Variants in BTNL3 observed in about 807,000 individuals in gnomAD.
The protein encoded by BTNL3 is butyrophilin-like protein 3.
In BTNL3, 20 loss-of-function variants were observed where a neutral mutation model predicts 40.1. The ratio of observed to expected loss-of-function variants is 0.50; its 90% CI spans 0.35 to 0.72. BTNL3 has a LOEUF of 0.72. BTNL3 is among the 30% of genes least tolerant of loss of function. BTNL3 has a pLI of 0.01. For missense variants in BTNL3, 449 were observed against 582.2 expected (o/e 0.77, Z 2.35); for synonymous variants, 179 against 222.1 (o/e 0.81, Z 1.73).
rs1410932167 is a variant in BTNL3 at position 181,002,607 on chromosome 5, T to C, written c.674-65T>C. On this transcript the variant is annotated intron_variant, in intron 3 of 7. Transcript: ENST00000342868. ...CATCTTGGGGTACTGGGGGATTCCT[T>C]AAATGGGCGTAAAATTGTCTTACCT... 8 of 1,381,384 alleles carry C rather than the reference T, an allele frequency of 5.8e-6. 2 individuals carry two copies. In the African/African-American group the frequency reaches 1.0e-4, roughly 18 times the overall value. 85.6% of individuals were successfully genotyped at this position (1,381,384 alleles called of 1,614,324 possible).
intron 2 of BTNL3, among the ~76,000 whole-genome samples, chr5:180,995,358 A>T (rs1204485955): frequency 7.3e-6 from 1 of 136,524 alleles, no homozygotes; most frequent in Non-Finnish European, 1.7e-5. Flanking sequence ...TTTAGTTGAA[A>T]TCTAAATGGT....
chr5:181,000,072 A>G lies in BTNL3; in HGVS notation c.673+2584A>G, dbSNP rs1760085559. Among the ~76,000 whole-genome samples, 2 of 136,498 alleles carry G rather than the reference A, an allele frequency of 1.5e-5. 1 individual carries two copies. Among genetic ancestry groups the G allele is most frequent in the South Asian group, 4.3e-4 (2 of 4,634 alleles). 89.5% of individuals were successfully genotyped at this position (136,498 alleles called of 152,430 possible). A position where few individuals can be genotyped will look rare whatever the true frequency, so the allele number is the denominator to read the frequency against. On this transcript the variant is annotated intron_variant, in intron 3 of 7. Coordinates refer to ENST00000342868, the MANE Select transcript of BTNL3 (RefSeq NM_197975.3). ...AACATAATTTTGGTATCATAAGAGA[A>G]ATGGGCAATTCAAAAAAGGAAAAAT...
chr5:181,005,747 C>G lies in BTNL3; in HGVS notation c.1276C>G (p.Gln426Glu), dbSNP rs59220426. The change falls in exon 8 of 8, where the codon CAG becomes GAG. Residue 426 changes from glutamine (Q) to glutamate (E), a missense_variant. Physicochemically the swap from Gln to Glu is conservative, Grantham distance 29. Coordinates refer to ENST00000342868, the MANE Select transcript of BTNL3 (RefSeq NM_197975.3). ...CATCTCCTTCTTCAATACAAATGAC[C>G]AGTCCCTTATTTATACCCTGCTGAC... is the stretch of plus-strand genomic sequence containing the variant. ...GTISFFNTND[Q>E]SLIYTLLTCQ... 0.062 allele frequency: 100,323 copies of G among 1,613,906 alleles called. 5,100 individuals are homozygous for G. Among genetic ancestry groups the G allele is most frequent in the African/African-American group, 0.26 (19,625 of 74,934 alleles).
In BTNL3 at chr5:181,000,249, T is replaced by C. The variant is rs1363922935; in HGVS notation, c.674-2423T>C. On this transcript the variant is annotated intron_variant, in intron 3 of 7. Coordinates refer to ENST00000342868, the MANE Select transcript of BTNL3 (RefSeq NM_197975.3). ...AACATATATTAATGTAATTATAACA[T>C]AATTCGTTAAAAGAGATAAACTATA... 1.5e-5 allele frequency among the ~76,000 whole-genome samples: 2 copies of C among 137,014 alleles called. 1 individual carries two copies. Among genetic ancestry groups the C allele is most frequent in the African/African-American group, 5.0e-5 (2 of 39,854 alleles). 89.9% of individuals were successfully genotyped at this position (137,014 alleles called of 152,430 possible). A position where few individuals can be genotyped will look rare whatever the true frequency, so the allele number is the denominator to read the frequency against.
intron 2 of BTNL3, among the ~76,000 whole-genome samples, chr5:180,996,738 G>C (rs924627650): frequency 7.3e-6 from 1 of 136,472 alleles, no homozygotes; most frequent in Non-Finnish European, 1.7e-5. Flanking sequence ...GACACAGAAG[G>C]GTGCAAATGT....
intron 2 of BTNL3, among the ~76,000 whole-genome samples, chr5:180,994,105 T>C (rs1182483549): frequency 7.3e-6 from 1 of 137,672 alleles, no homozygotes; most frequent in African/African-American, 2.5e-5. Context: ...ACCCAGCACA[T>C]ATGTGATTGT....
intron 5 of BTNL3, among the ~76,000 whole-genome samples, chr5:181,004,169 C>A (rs2276996): frequency 0.017 from 2,616 of 150,830 alleles, 37 homozygotes; most frequent in Middle Eastern, 0.048. Flanking sequence ...CTGAGGGTGT[C>A]TGGGCCACAG....
At position 181,005,880 on chromosome 5, in the gene BTNL3, A is replaced by G. The variant is rs1045049690; in HGVS notation, c.*8A>G. 1.3e-6 allele frequency: 2 copies of G among 1,582,292 alleles called. No individual in the cohort carries two copies. Among genetic ancestry groups the G allele is most frequent in the African/African-American group, 1.4e-5 (1 of 74,012 alleles). On this transcript the variant is annotated 3_prime_UTR_variant, in exon 8 of 8. Coordinates refer to ENST00000342868, the MANE Select transcript of BTNL3 (RefSeq NM_197975.3). ...CCAGTGTCCTGGGGATGAGACAGAG[A>G]AGACCCTGCTTAAAGGGCCCCACAC...
At position 181,006,180 on chromosome 5, in the gene BTNL3, T is replaced by G. The variant is rs1024824293; in HGVS notation, c.*308T>G. 2 of 430,518 alleles carry G rather than the reference T, an allele frequency of 4.6e-6. No individual in the cohort carries two copies. Among genetic ancestry groups the G allele is most frequent in the East Asian group, 6.7e-5 (2 of 29,952 alleles). 26.7% of individuals were successfully genotyped at this position (430,518 alleles called of 1,614,324 possible). A position where few individuals can be genotyped will look rare whatever the true frequency, so the allele number is the denominator to read the frequency against. ...AAAACTCCATCCAGCTAAGCGATCT[T>G]GAACAAGTCACAACCTCCCAGGCTC... On this transcript the variant is annotated 3_prime_UTR_variant, in exon 8 of 8. Coordinates refer to ENST00000342868, the MANE Select transcript of BTNL3 (RefSeq NM_197975.3).
chr5:181,005,134 G>T (rs563359994), intron 7 of BTNL3, among the ~76,000 whole-genome samples, 200 bp from the exon 8 acceptor site: 4 of 152,212 alleles, frequency 2.6e-5, no homozygotes, highest in Non-Finnish European at 4.4e-5. Flanking sequence ...GGTAGGGCTG[G>T]GTGAACATCT....
chr5:181,005,819 T>C lies in BTNL3; in HGVS notation c.1348T>C (p.Tyr450His), dbSNP rs773779220. ...LLRPYIQHAM[Y>H]DEEKGTPIFI... ...GAGACCCTATATCCAGCATGCGATG[T>C]ATGACGAGGAAAAGGGGACTCCCAT... is the stretch of plus-strand genomic sequence containing the variant. The change falls in exon 8 of 8, where the codon TAT (tyrosine) becomes CAT (histidine). Residue 450 changes from tyrosine to histidine, a missense_variant. Transcript: ENST00000342868. The C allele has an allele frequency of 5.6e-6, 9 of 1,613,894 alleles. No individual in the cohort carries two copies. Among genetic ancestry groups the C allele is most frequent in the South Asian group, 1.1e-5 (1 of 91,050 alleles).
chr5:181,004,870 A>C (rs1582091002), intron 7 of BTNL3, 108 bp downstream of exon 7: 15 of 1,598,822 alleles, frequency 9.4e-6, no homozygotes, highest in Non-Finnish European at 4.3e-6. Flanking sequence ...GCCCGAATCC[A>C]CCCCAGGGTG....
At position 181,006,451 on chromosome 5, in the gene BTNL3, T is replaced by G. The variant is rs7717283; in HGVS notation, c.*579T>G. The G allele has an allele frequency of 0.11, 16,904 of 154,428 alleles. 1,652 individuals are homozygous for G. Among genetic ancestry groups the G allele is most frequent in the African/African-American group, 0.26 (10,701 of 41,522 alleles). 9.6% of individuals were successfully genotyped at this position (154,428 alleles called of 1,614,324 possible). On this transcript the variant is annotated 3_prime_UTR_variant, in exon 8 of 8. Transcript: ENST00000342868. ...TGAGGCTCAAAGAATAAAGAGGAGG[T>G]AGGATTTTTCACTGATTCTATAAGC... is the stretch of plus-strand genomic sequence containing the variant.
Position 181,005,875 on chromosome 5 carries a change from C to G in BTNL3, c.*3C>G, listed in dbSNP as rs1025713868. 2 of 1,588,148 alleles carry G rather than the reference C, an allele frequency of 1.3e-6. No individual in the cohort carries two copies. On this transcript the variant is annotated 3_prime_UTR_variant, in exon 8 of 8. Coordinates refer to ENST00000342868, the MANE Select transcript of BTNL3 (RefSeq NM_197975.3). ...TATGTCCAGTGTCCTGGGGATGAGACAGAGAAGACCCTGCTTAAAGGGCCC... is the reference window on the plus strand; with the variant it reads ...TATGTCCAGTGTCCTGGGGATGAGAGAGAGAAGACCCTGCTTAAAGGGCCC...
At chr5:180,992,471 C>T (rs964585879) in intron 1 of BTNL3, among the ~76,000 whole-genome samples, 3 of 136,390 alleles carry the variant, frequency 2.2e-5, no homozygotes, top group African/African-American at 7.6e-5. Flanking sequence ...GAGGAGAGCA[C>T]GTGGAGATAG....
In BTNL3 at chr5:181,005,730, T is replaced by C. The variant is rs1157585418; in HGVS notation, c.1259T>C (p.Phe420Ser). 4 of 1,613,976 alleles carry C rather than the reference T, an allele frequency of 2.5e-6. No individual in the cohort carries two copies. The highest frequency in any genetic ancestry group is 3.4e-6 in the Non-Finnish European group (4 of 1,180,010). The change falls in exon 8 of 8, where the codon TTC (phenylalanine) becomes TCC (serine). Residue 420 changes from phenylalanine to serine, a missense_variant. By Grantham distance (155) the Phe-to-Ser change is radical. Coordinates refer to ENST00000342868, the MANE Select transcript of BTNL3 (RefSeq NM_197975.3). Reference protein sequence around the residue: ...FLDYEGGTISFFNTNDQSLIY... With the variant: ...FLDYEGGTISSFNTNDQSLIY... ...GACTATGAGGGTGGGACCATCTCCT[T>C]CTTCAATACAAATGACCAGTCCCTT... is the stretch of plus-strand genomic sequence containing the variant.
Position 180,998,916 on chromosome 5 carries a change from C to T in BTNL3, c.673+1428C>T, listed in dbSNP as rs186065420. ...CCAAGACAGGCGGATCACCTGAGGT[C>T]AGGAGTTCAAGACCAGCCTGGCCAT... On this transcript the variant is annotated intron_variant, in intron 3 of 7. Coordinates refer to ENST00000342868, the MANE Select transcript of BTNL3 (RefSeq NM_197975.3). Among the ~76,000 whole-genome samples the T allele has an allele frequency of 2.2e-3, 299 of 137,078 alleles. 35 individuals are homozygous for T. Among genetic ancestry groups the T allele is most frequent in the African/African-American group, 7.3e-3 (292 of 39,902 alleles). 89.9% of individuals were successfully genotyped at this position (137,078 alleles called of 152,430 possible). A position where few individuals can be genotyped will look rare whatever the true frequency, so the allele number is the denominator to read the frequency against.
rs527346074 is a variant in BTNL3 at position 181,003,769 on chromosome 5, C to T, written c.788-87C>T. 3.3e-5 allele frequency: 53 copies of T among 1,607,400 alleles called. No individual in the cohort carries two copies. In the African/African-American group the frequency reaches 6.8e-4, roughly 21 times the overall value. On this transcript the variant is annotated intron_variant, in intron 4 of 7. Transcript: ENST00000342868. ...GAGGCCCTGCCCTTCACACCTGCAG[C>T]TCGTCCCACCTGTGCAAGGAGCCAG...
In BTNL3 at chr5:181,005,766, T is replaced by A; in HGVS notation, c.1295T>A (p.Leu432Gln). 6.2e-7 allele frequency: 1 copy of A among 1,614,142 alleles called. No individual in the cohort carries two copies. Among genetic ancestry groups the A allele is most frequent in the Middle Eastern group, 1.6e-4 (1 of 6,062 alleles). ...AATGACCAGTCCCTTATTTATACCC[T>A]GCTGACATGTCAGTTTGAAGGCTTG... ...NTNDQSLIYT[L>Q]LTCQFEGLLR... Residue 432 changes from leucine (L) to glutamine (Q), a missense_variant, in exon 8 of 8, where the codon CTG becomes CAG. Transcript: ENST00000342868.
Sources: gnomAD v4.1 joint callset for allele counts (sites outside exome capture counted in the v4.1 genomes callset) on GRCh38, gnomAD v4.1.1 for gene constraint, MANE v1.5 for transcripts, NCBI Gene and HGNC (gene_info 2026-07-23, HGNC 2026-07-21) for gene names.